The following SEH1L variants were observed in gnomAD, a reference collection of about 807,000 sequenced individuals.
SEH1L encodes nucleoporin SEH1.
In SEH1L, 18 loss-of-function variants were observed where a neutral mutation model predicts 49.5. The observed-to-expected ratio is 0.36, with a 90% CI of 0.25 to 0.54. The LOEUF (loss-of-function observed/expected upper bound fraction) is 0.54, where lower values mean the gene tolerates loss of function less well. Among genes scored for constraint, SEH1L ranks in the 20% least tolerant of loss-of-function variants. The pLI, the probability that SEH1L is intolerant of heterozygous loss-of-function variation, is 0.87. For synonymous variants in SEH1L, 169 were observed against 178.1 expected (o/e 0.95, Z 0.41); for missense variants, 404 against 528.8 (o/e 0.76, Z 2.31).
intron 5 of SEH1L, chr18:12,977,141 C>T (rs1482034285): frequency 6.6e-6 from 1 of 152,222 alleles, no homozygotes; most frequent in Non-Finnish European, 1.5e-5. Flanking sequence ...AGGAGAGAAC[C>T]TTGAGGTGTG....
Position 12,965,044 on chromosome 18 carries a change from C to T in SEH1L, c.521+1673C>T, listed in dbSNP as rs189782779. On this transcript the variant is annotated intron_variant, in intron 4 of 8. Transcript: ENST00000399892. ...TTTTTTTTTTTTTGAGGTGGAGTCT[C>T]GCTCTGTCACCCAGGCTGGAGTGCA... Among the ~76,000 whole-genome samples the T allele has an allele frequency of 1.8e-3, 190 of 106,630 alleles. 1 individual carries two copies. Among genetic ancestry groups the T allele is most frequent in the Middle Eastern group, 9.3e-3 (1 of 108 alleles). 70.0% of individuals were successfully genotyped at this position (106,630 alleles called of 152,430 possible). A position where few individuals can be genotyped will look rare whatever the true frequency, so the allele number is the denominator to read the frequency against.
intron 5 of SEH1L, among the ~76,000 whole-genome samples, chr18:12,975,107 C>T (rs2031864616): frequency 6.6e-6 from 1 of 151,942 alleles, no homozygotes; most frequent in Non-Finnish European, 1.5e-5. Flanking sequence ...GTTCTCCTGC[C>T]TCAGCCTCCC....
intron 2 of SEH1L, among the ~76,000 whole-genome samples, chr18:12,953,870 C>G (rs2030697812): frequency 6.6e-6 from 1 of 152,166 alleles, no homozygotes; most frequent in Non-Finnish European, 1.5e-5. Context: ...TTTTTATTAA[C>G]AGCCAATAAA....
chr18:12,973,878 A>G (rs1366931820), intron 5 of SEH1L: 1 of 152,220 alleles, frequency 6.6e-6, no homozygotes, highest in African/African-American at 2.4e-5. Context: ...TTATGATCAC[A>G]AAAGAGCTGC....
intron 4 of SEH1L, among the ~76,000 whole-genome samples, chr18:12,969,322 G>A (rs1414584211): frequency 1.3e-5 from 2 of 150,896 alleles, no homozygotes; most frequent in Admixed American, 6.6e-5. Flanking sequence ...CCAGCTACTT[G>A]GGAGGAGGAT....
In SEH1L at chr18:12,958,993, A is replaced by G. The variant is rs559147979; in HGVS notation, c.309+3384A>G. On this transcript the variant is annotated intron_variant, in intron 3 of 8. Coordinates refer to ENST00000399892, the MANE Select transcript of SEH1L (RefSeq NM_001013437.2). ...ATGCTCAAGGGTTCCAGTTTTTCCA[A>G]ATCTTCATCAGCACTTGTTGTGGTG... is the stretch of plus-strand genomic sequence containing the variant. Among the ~76,000 whole-genome samples, 4 of 152,306 alleles carry G rather than the reference A, an allele frequency of 2.6e-5. No homozygotes were observed. The South Asian group carries it at 6.2e-4, about 24-fold the overall frequency.
chr18:12,961,330 A>G lies in SEH1L; in HGVS notation c.310-1830A>G, dbSNP rs180992359. Among the ~76,000 whole-genome samples the G allele has an allele frequency of 3.5e-3, 539 of 152,174 alleles. 9 individuals carry two copies. The highest frequency in any genetic ancestry group is 0.013 in the African/African-American group (526 of 41,538). On this transcript the variant is annotated intron_variant, in intron 3 of 8. Coordinates refer to ENST00000399892, the MANE Select transcript of SEH1L (RefSeq NM_001013437.2). ...CTGATCACCAGTTTCAGGTGTTTCT[A>G]TCTGTTGGGAGACTACCTTTCCCTG...
At chr18:12,986,583 CATTT>C (rs2032466353) in intron 8 of SEH1L, 1 of 990,092 alleles carries the variant, frequency 1.0e-6, no homozygotes, top group Non-Finnish European at 1.2e-6. Context: ...TTCTTTGTAA[CATTT>C]ATATATATTT....
chr18:12,954,931 C>A (rs564366968), intron 2 of SEH1L, among the ~76,000 whole-genome samples: 1 of 152,188 alleles, frequency 6.6e-6, no homozygotes, highest in Non-Finnish European at 1.5e-5. Flanking sequence ...CTAAAGGAAA[C>A]CCTGTGCTCA....
At chr18:12,953,854 A>G (rs1340429752) in intron 2 of SEH1L, among the ~76,000 whole-genome samples, 1 of 152,200 alleles carries the variant, frequency 6.6e-6, no homozygotes, top group East Asian at 1.9e-4. Context: ...CTATATCTTT[A>G]AAGGCTTTTT....
In SEH1L at chr18:12,963,339, A is replaced by G; in HGVS notation, c.489A>G (p.Leu163=). The change falls in exon 4 of 9, where the codon CTA becomes CTG. Residue 163 remains leucine, a synonymous_variant. Transcript: ENST00000399892. ...WSLQHEISCK[L]SCSCISWNPS... is the part of the protein sequence containing the mutation. ...TGCAGCATGAGATCTCATGTAAGCT[A>G]AGCTGTAGTTGTATTTCTTGGAACC... 6.2e-7 allele frequency: 1 copy of G among 1,614,094 alleles called. No individual in the cohort carries two copies. The highest frequency in any genetic ancestry group is 8.5e-7 in the Non-Finnish European group (1 of 1,179,976).
intron 8 of SEH1L, chr18:12,986,369 T>A: frequency 1.0e-6 from 1 of 985,580 alleles, no homozygotes; most frequent in Non-Finnish European, 1.2e-6. Context: ...ATGTTTGTAG[T>A]TCTTCAAAAG....
chr18:12,951,891 A>G lies in SEH1L; in HGVS notation c.148A>G (p.Thr50Ala), dbSNP rs766792403. Residue 50 changes from threonine to alanine, a missense_variant, in exon 2 of 9, where the codon ACT (threonine) becomes GCT (alanine). Physicochemically the swap from Thr to Ala is moderately conservative, Grantham distance 58. Around this residue, in one of 3 missense-constraint regions of SEH1L, gnomAD observed 57 missense variants for 71.9 expected, o/e 0.79. Transcript: ENST00000399892. ...DKSESGDWHC[T>A]ASWKTHSGSV... ...AAGTGAAAGTGGTGATTGGCATTGT[A>G]CTGCTAGCTGGAAGGTTAGTATTTA... 12 of 1,560,332 alleles carry G rather than the reference A, an allele frequency of 7.7e-6. No individual in the cohort carries two copies. The highest frequency in any genetic ancestry group is 2.3e-5 in the East Asian group (1 of 43,836).
At chr18:12,958,596 C>T (rs1321168706) in intron 3 of SEH1L, among the ~76,000 whole-genome samples, 1 of 152,128 alleles carries the variant, frequency 6.6e-6, no homozygotes, top group Non-Finnish European at 1.5e-5. Context: ...TAAGTGGAAT[C>T]ACAGTATTTG....
rs780150803 is a variant in SEH1L at position 12,978,819 on chromosome 18, A to G, written c.688A>G (p.Asn230Asp). ...DPVHDIAFAP[N>D]LGRSFHILAI... ...TGTTCATGATATTGCATTCGCTCCAAATTTGGGAAGATCTTTCCATATTCT... is the reference window on the plus strand; with the variant it reads ...TGTTCATGATATTGCATTCGCTCCAGATTTGGGAAGATCTTTCCATATTCT... The change falls in exon 6 of 9, where the codon AAT becomes GAT. Residue 230 changes from asparagine to aspartate, a missense_variant. Transcript: ENST00000399892. The G allele has an allele frequency of 4.3e-6, 7 of 1,614,010 alleles. No individual in the cohort carries two copies. Among genetic ancestry groups the G allele is most frequent in the African/African-American group, 2.7e-5 (2 of 75,054 alleles).
chr18:12,979,973 C>A (rs1341400751), intron 6 of SEH1L, among the ~76,000 whole-genome samples: 1 of 137,106 alleles, frequency 7.3e-6, no homozygotes, highest in Admixed American at 7.1e-5. Context: ...CCTCACCTCC[C>A]GGACGGGGCG....
chr18:12,982,786 T>C (rs1340464225), intron 7 of SEH1L, 111 bp downstream of exon 7: 7 of 761,944 alleles, frequency 9.2e-6, no homozygotes, highest in Non-Finnish European at 1.5e-5. Flanking sequence ...CAGTTACTTT[T>C]AATGTCATAT....
At chr18:12,982,440 T>C in intron 6 of SEH1L, 78 bp from the exon 7 acceptor site, 4 of 968,968 alleles carry the variant, frequency 4.1e-6, no homozygotes, top group South Asian at 3.7e-5. Flanking sequence ...TTTACGTGTG[T>C]ATATATATAT....
At chr18:12,959,965 C>T (rs1028700312) in intron 3 of SEH1L, among the ~76,000 whole-genome samples, 26 of 152,068 alleles carry the variant, frequency 1.7e-4, no homozygotes, top group African/African-American at 5.3e-4. Flanking sequence ...CAAGATCTCT[C>T]GAATCCATCT....
Sources: allele counts gnomAD v4.1 joint callset (sites outside exome capture counted in the v4.1 genomes callset), GRCh38; gene constraint gnomAD v4.1.1; regional missense constraint gnomAD v4.1.1; transcripts MANE v1.5; gene names NCBI Gene and HGNC (gene_info 2026-07-23, HGNC 2026-07-21).